Variants in DSCAML1 observed in about 807,000 individuals in gnomAD.
DSCAML1 encodes the protein DS cell adhesion molecule like 1, also known as cell adhesion molecule DSCAML1.
Under a neutral mutation model 200.5 loss-of-function variants are expected in DSCAML1, and 38 were observed. The ratio of observed to expected loss-of-function variants is 0.19; its 90% CI spans 0.15 to 0.25. DSCAML1 has a LOEUF of 0.25. Among genes scored for constraint, DSCAML1 ranks in the 10% least tolerant of loss-of-function variants. The pLI is 1.00. For missense variants in DSCAML1, 2,223 were observed against 2,858.8 expected, an observed-to-expected ratio of 0.78 and a Z score of 5.07; for synonymous variants, 1,215 against 1,165.0, an observed-to-expected ratio of 1.04 and a Z score of -0.87.
intron 3 of DSCAML1, among the ~76,000 whole-genome samples, chr11:117,634,136 C>A (rs1054615574): frequency 3.9e-5 from 6 of 152,126 alleles, no homozygotes; most frequent in Non-Finnish European, 7.3e-5. Flanking sequence ...AGAGGGGGAC[C>A]GGACTGTCAC....
chr11:117,559,896 G>T (rs1294584171), intron 3 of DSCAML1, among the ~76,000 whole-genome samples: 1 of 152,160 alleles, frequency 6.6e-6, no homozygotes, highest in Non-Finnish European at 1.5e-5. Context: ...CAGGAAGGAA[G>T]GGCCTAGAGT....
At chr11:117,533,682 T>C (rs1200817885) in intron 3 of DSCAML1, among the ~76,000 whole-genome samples, 1 of 152,134 alleles carries the variant, frequency 6.6e-6, no homozygotes, top group African/African-American at 2.4e-5. Context: ...ACTTTGCAGA[T>C]TGCCACACAA....
At chr11:117,793,758 C>T (rs1159472228) in intron 1 of DSCAML1, among the ~76,000 whole-genome samples, 2 of 152,186 alleles carry the variant, frequency 1.3e-5, no homozygotes, top group African/African-American at 2.4e-5. Flanking sequence ...ACTTAAGCGC[C>T]GCCTTTGGGT....
intron 1 of DSCAML1, among the ~76,000 whole-genome samples, chr11:117,782,247 G>A (rs887290469): frequency 3.3e-5 from 5 of 152,160 alleles, no homozygotes; most frequent in South Asian, 2.1e-4. Flanking sequence ...CAGGCAGCTC[G>A]TTGAGGAAGG....
chr11:117,607,837 T>A (rs1331541469), intron 3 of DSCAML1, among the ~76,000 whole-genome samples: 1 of 152,192 alleles, frequency 6.6e-6, no homozygotes, highest in African/African-American at 2.4e-5. Flanking sequence ...GTAGCCCTTT[T>A]GGTTAGGGAG....
intron 3 of DSCAML1, among the ~76,000 whole-genome samples, chr11:117,677,577 TGG>T (rs2053237642): frequency 6.6e-6 from 1 of 151,826 alleles, no homozygotes; most frequent in South Asian, 2.1e-4. Context: ...CCCTGGCTTG[TGG>T]GCAGAGGGAG....
intron 1 of DSCAML1, among the ~76,000 whole-genome samples, chr11:117,794,380 G>C (rs1043918047): frequency 2.6e-5 from 4 of 152,006 alleles, no homozygotes; most frequent in African/African-American, 9.7e-5. Context: ...TTGGAGACTC[G>C]ATAACCGATG....
At chr11:117,802,611 T>TGG (rs2134085221) in intron 1 of DSCAML1, among the ~76,000 whole-genome samples, 1 of 152,286 alleles carries the variant, frequency 6.6e-6, no homozygotes, top group South Asian at 2.1e-4. Flanking sequence ...TTGGAGTTTC[T>TGG]CGTCTCTAAG....
intron 3 of DSCAML1, among the ~76,000 whole-genome samples, chr11:117,595,436 C>T (rs12803154): frequency 0.2 from 30,132 of 152,054 alleles, 3,333 homozygotes; most frequent in Non-Finnish European, 0.24. Context: ...GATCAGGTTG[C>T]GTATGCAGTT....
chr11:117,492,105 G>C (rs73024372), intron 11 of DSCAML1, among the ~76,000 whole-genome samples: 1 of 152,078 alleles, frequency 6.6e-6, no homozygotes. Flanking sequence ...GGGCCTGGCC[G>C]CCTGCATTCC....
At chr11:117,447,291 C>A (rs573628135) in intron 20 of DSCAML1, among the ~76,000 whole-genome samples, 1 of 152,048 alleles carries the variant, frequency 6.6e-6, no homozygotes. Context: ...CCGTCACATA[C>A]ACACGAAAAA....
Position 117,518,288 on chromosome 11 carries a change from G to A in DSCAML1, c.1510+178C>T. ...GTACCAGACACACACACGCACACAA[G>A]AATGGATGATGGCGCTTGAGGAGGG... On this transcript the variant is annotated intron_variant, in intron 7 of 32. Transcript: ENST00000651296. The surrounding 1 kb of genome is among the most constrained non-coding windows in gnomAD (Gnocchi z 6.3). 1 of 780,842 alleles carries A rather than the reference G, an allele frequency of 1.3e-6. No homozygotes were observed. Among genetic ancestry groups the A allele is most frequent in the Non-Finnish European group, 2.1e-6 (1 of 474,532 alleles). 48.4% of individuals were successfully genotyped at this position (780,842 alleles called of 1,614,324 possible).
At chr11:117,628,119 A>C (rs78915622) in intron 3 of DSCAML1, among the ~76,000 whole-genome samples, 264 of 152,242 alleles carry the variant, frequency 1.7e-3, no homozygotes, top group African/African-American at 6.0e-3. Flanking sequence ...CATTATTCCA[A>C]CTTCAAAGAT....
chr11:117,638,415 T>C (rs1435185148), intron 3 of DSCAML1, among the ~76,000 whole-genome samples: 1 of 149,848 alleles, frequency 6.7e-6, no homozygotes, highest in East Asian at 2.0e-4. Context: ...AATTCACCCA[T>C]ACAAAATGTA....
At chr11:117,793,169 C>G (rs1475301564) in intron 1 of DSCAML1, among the ~76,000 whole-genome samples, 1 of 152,190 alleles carries the variant, frequency 6.6e-6, no homozygotes, top group Non-Finnish European at 1.5e-5. Context: ...ATATGCAAAT[C>G]TGGGGTGTGC....
rs540060838 is a variant in DSCAML1, at chr11:117,463,364, C to CTTT, written c.3265+1575_3265+1577dup. Among the ~76,000 whole-genome samples the CTTT allele has an allele frequency of 1.3e-3, 186 of 141,462 alleles. 1 individual carries two copies. The highest frequency in any genetic ancestry group is 4.7e-3 in the African/African-American group (180 of 38,666). 92.8% of individuals were successfully genotyped at this position (141,462 alleles called of 152,430 possible). A position where few individuals can be genotyped will look rare whatever the true frequency, so the allele number is the denominator to read the frequency against. ...GGGAACTTATTAGAAATAATACATC[C>CTTT]TTTTTTTTTTTTTTTTAGAGATGGG... On this transcript the variant is annotated intron_variant, in intron 17 of 32. Transcript: ENST00000651296. This position sits in a 1 kb window ranked among gnomAD's most constrained non-coding sequence, Gnocchi z 4.0.
At chr11:117,650,700 T>TGTGTGTGTGTGCGCGC (rs147584706) in intron 3 of DSCAML1, among the ~76,000 whole-genome samples, 2 of 147,352 alleles carry the variant, frequency 1.4e-5, no homozygotes, top group East Asian at 4.1e-4. Context: ...TGTGTGTGTG[T>TGTGTGTGTGTGCGCGC]GCGTGTGTGT....
chr11:117,787,257 T>C (rs911595671), intron 1 of DSCAML1, among the ~76,000 whole-genome samples: 1 of 152,190 alleles, frequency 6.6e-6, no homozygotes, highest in African/African-American at 2.4e-5. Flanking sequence ...CGAGTTAATA[T>C]ATATGAAGAG....
Position 117,525,867 on chromosome 11 carries a change from G to A in DSCAML1, c.659-784C>T, listed in dbSNP as rs754669462. Among the ~76,000 whole-genome samples the A allele has an allele frequency of 1.1e-4, 17 of 152,256 alleles. 1 individual carries two copies. Among genetic ancestry groups the A allele is most frequent in the South Asian group, 8.3e-4 (4 of 4,816 alleles). ...TAGGCCTACTGGGAGATGGGAGGACGATCTATCTGTTCCTGCTCTGTCTTC... is the reference window on the plus strand; with the variant it reads ...TAGGCCTACTGGGAGATGGGAGGACAATCTATCTGTTCCTGCTCTGTCTTC... On this transcript the variant is annotated intron_variant, in intron 4 of 32. Transcript: ENST00000651296.
Sources: gnomAD v4.1 joint callset for allele counts (sites outside exome capture counted in the v4.1 genomes callset) on GRCh38, gnomAD v4.1.1 for gene constraint, Gnocchi (gnomAD v3.1) non-coding constraint, MANE v1.5 for transcripts, NCBI Gene and HGNC (gene_info 2026-07-23, HGNC 2026-07-21) for gene names.